NUP188: variants seen among roughly 807,000 people sequenced by gnomAD.
NUP188 encodes the protein nucleoporin 188.
Under a neutral mutation model 223.0 loss-of-function variants are expected in NUP188, and 97 were observed. The observed-to-expected ratio is 0.43, with a 90% CI of 0.37 to 0.51. The LOEUF (loss-of-function observed/expected upper bound fraction) is 0.51. Among genes scored for constraint, NUP188 ranks in the 20% least tolerant of loss-of-function variants. The pLI, the probability that NUP188 is intolerant of heterozygous loss-of-function variation, is 0.00. For missense variants in NUP188, 1,947 were observed against 2,175.6 expected, an observed-to-expected ratio of 0.89 and a Z score of 2.09; for synonymous variants, 869 against 828.0, an observed-to-expected ratio of 1.05 and a Z score of -0.85.
At chr9:128,947,966 C>T in intron 1 of NUP188, 1 of 399,542 alleles carries the variant, frequency 2.5e-6, no homozygotes, top group East Asian at 3.6e-5. Flanking sequence ...GGCTCTTCAC[C>T]CCTTCCCTCC....
chr9:128,988,913 A>G (rs1438513316), intron 24 of NUP188, among the ~76,000 whole-genome samples: 1 of 150,312 alleles, frequency 6.7e-6, no homozygotes, highest in South Asian at 2.1e-4. Flanking sequence ...GTTTTGTTTT[A>G]TTTTGTTGTT....
intron 2 of NUP188, 130 bp downstream of exon 2, chr9:128,949,373 C>A (rs1371298272): frequency 2.1e-5 from 14 of 660,136 alleles, no homozygotes; most frequent in South Asian, 1.8e-5. Context: ...GCTCTTGTTT[C>A]CCAGGCTGGA....
intron 2 of NUP188, among the ~76,000 whole-genome samples, chr9:128,949,836 C>T (rs1414859160): frequency 6.6e-6 from 1 of 151,482 alleles, no homozygotes; most frequent in Non-Finnish European, 1.5e-5. Context: ...ACCATGTTGG[C>T]CAGGCTGGTG....
In NUP188 at chr9:129,006,641, A is replaced by G. The variant is rs147026672; in HGVS notation, c.5213A>G (p.Gln1738Arg). Residue 1738 changes from glutamine to arginine, a missense_variant, in exon 44 of 44, where the codon CAG (glutamine) becomes CGG (arginine). Transcript: ENST00000372577. ...CCTGAGAGTCAGGAGCCTCTGATCC[A>G]GTTGGTGCAGGCGTTTGTCCGGCAT... ...ASPESQEPLI[Q>R]LVQAFVRHMQ... is the part of the protein sequence containing the mutation. The G allele has an allele frequency of 8.4e-5, 135 of 1,613,960 alleles. No homozygotes were observed. Among genetic ancestry groups the G allele is most frequent in the Non-Finnish European group, 1.1e-4 (125 of 1,180,036 alleles).
chr9:128,999,326 C>T lies in NUP188; in HGVS notation c.3661+9C>T. 1 of 1,612,926 alleles carries T rather than the reference C, an allele frequency of 6.2e-7. No individual in the cohort carries two copies. The highest frequency in any genetic ancestry group is 8.5e-7 in the Non-Finnish European group (1 of 1,179,080). On this transcript the variant is annotated intron_variant, in intron 33 of 43. Transcript: ENST00000372577. ...AATGAAGGAGATGAAAGGTGAGGGGCAGAGGCAGGGGGAGCAGCAGCTGCA... is the reference window on the plus strand; with the variant it reads ...AATGAAGGAGATGAAAGGTGAGGGGTAGAGGCAGGGGGAGCAGCAGCTGCA...
intron 12 of NUP188, among the ~76,000 whole-genome samples, chr9:128,976,111 C>T (rs1055991607): frequency 6.6e-6 from 1 of 152,190 alleles, no homozygotes; most frequent in African/African-American, 2.4e-5. Context: ...GTGTGAGCCA[C>T]TGTGCCTTGC....
chr9:128,994,926 G>A lies in NUP188; in HGVS notation c.3155+3G>A. 6.2e-7 allele frequency: 1 copy of A among 1,603,310 alleles called. No individual in the cohort carries two copies. Among genetic ancestry groups the A allele is most frequent in the Non-Finnish European group, 8.5e-7 (1 of 1,170,158 alleles). The stretch of plus-strand genomic sequence containing the variant: ...TTGGAGATATACTATGTAGTAAAGT[G>A]AGTACTTTCCCCTCTTGAGATTTTA... On this transcript the variant is annotated splice_donor_region_variant and intron_variant, in intron 29 of 43. Coordinates refer to ENST00000372577, the MANE Select transcript of NUP188 (RefSeq NM_015354.3).
At position 129,005,509 on chromosome 9, in the gene NUP188, C is replaced by T; in HGVS notation, c.4716C>T (p.Val1572=). The part of the protein sequence containing the change: ...LAALRHFTPD[V]CQILLDQSLD... ...CCCTGCGCCACTTCACCCCAGATGT[C>T]TGCCAGATTCTGCTGGATCAGGTAC... is the stretch of plus-strand genomic sequence containing the variant. The change falls in exon 40 of 44, where the codon GTC becomes GTT. Residue 1572 remains valine (V), a synonymous_variant. Coordinates refer to ENST00000372577, the MANE Select transcript of NUP188 (RefSeq NM_015354.3). The T allele has an allele frequency of 6.2e-7, 1 of 1,606,744 alleles. No homozygotes were observed. Among genetic ancestry groups the T allele is most frequent in the Non-Finnish European group, 8.5e-7 (1 of 1,179,980 alleles).
chr9:128,979,411 T>C (rs1318621285), intron 13 of NUP188, 84 bp downstream of exon 13: 3 of 955,766 alleles, frequency 3.1e-6, no homozygotes, highest in Admixed American at 4.2e-5. Flanking sequence ...TAAGCATTCA[T>C]GTGCATTTTC....
At chr9:128,992,390 T>A (rs1318900626) in intron 25 of NUP188, among the ~76,000 whole-genome samples, 1 of 152,036 alleles carries the variant, frequency 6.6e-6, no homozygotes, top group Non-Finnish European at 1.5e-5. Context: ...GGACGAAGTT[T>A]TGCCATGTTG....
intron 22 of NUP188, among the ~76,000 whole-genome samples, chr9:128,987,088 A>AGAGAGAGAGTGTGTGT (rs1450678206): frequency 8.8e-6 from 1 of 113,260 alleles, no homozygotes; most frequent in Non-Finnish European, 1.8e-5. Flanking sequence ...AGAGAGAGAG[A>AGAGAGAGAGTGTGTGT]GTGTGTGTGT....
At chr9:128,959,412 G>C (rs1841915040) in intron 8 of NUP188, among the ~76,000 whole-genome samples, 1 of 151,654 alleles carries the variant, frequency 6.6e-6, no homozygotes, top group Non-Finnish European at 1.5e-5. Context: ...AAAGTGCTGG[G>C]ATTACAAGTG....
rs28365537 is a variant in NUP188 at position 129,003,051 on chromosome 9, G to A, written c.4296+76G>A. 812 of 1,520,330 alleles carry A rather than the reference G, an allele frequency of 5.3e-4. 7 individuals are homozygous for A. The East Asian group carries it at 0.016, about 30-fold the overall frequency. The allele number at this position is 1,520,330 out of a possible 1,614,324, so 94.2% of individuals were successfully genotyped here. ...ACTGGGCCATTCATGGGGCAGGTGG[G>A]TGTGGAGCCTGGGCCTCAGTAGCGG... is the stretch of plus-strand genomic sequence containing the variant. On this transcript the variant is annotated intron_variant, in intron 37 of 43. Transcript: ENST00000372577.
chr9:128,998,520 T>G lies in NUP188; in HGVS notation c.3430-18T>G. 6.2e-7 allele frequency: 1 copy of G among 1,608,378 alleles called. No individual in the cohort carries two copies. The highest frequency in any genetic ancestry group is 8.5e-7 in the Non-Finnish European group (1 of 1,174,826). On this transcript the variant is annotated intron_variant, in intron 31 of 43. Coordinates refer to ENST00000372577, the MANE Select transcript of NUP188 (RefSeq NM_015354.3). ...AATCTTTCCACTGACTTCTGACTGGTGTGCTGTCTCCTTTCAGCTCCTAGT... is the reference window on the plus strand; with the variant it reads ...AATCTTTCCACTGACTTCTGACTGGGGTGCTGTCTCCTTTCAGCTCCTAGT...
chr9:128,957,622 G>T (rs978467142), intron 5 of NUP188, among the ~76,000 whole-genome samples: 4 of 151,942 alleles, frequency 2.6e-5, no homozygotes, highest in African/African-American at 9.7e-5. Flanking sequence ...CTGCCACCAC[G>T]CCCGGCTAAT....
At chr9:128,960,056 A>ATTTTTTTT (rs1841924763) in intron 8 of NUP188, among the ~76,000 whole-genome samples, 1 of 121,470 alleles carries the variant, frequency 8.2e-6, no homozygotes, top group Non-Finnish European at 1.7e-5. Flanking sequence ...TGATTATTTT[A>ATTTTTTTT]TTCTTTTTTT....
intron 12 of NUP188, among the ~76,000 whole-genome samples, chr9:128,974,068 G>A (rs993542868): frequency 1.3e-5 from 2 of 151,926 alleles, no homozygotes; most frequent in Non-Finnish European, 2.9e-5. Flanking sequence ...CTGCCACCGC[G>A]CCCGGCTAAT....
chr9:128,948,964 A>G (rs957334589), intron 1 of NUP188: 1 of 372,100 alleles, frequency 2.7e-6, no homozygotes, highest in Non-Finnish European at 4.9e-6. Flanking sequence ...TGACCTCATG[A>G]TCCGCCCGCC....
Position 128,983,272 on chromosome 9 carries a change from AG to A in NUP188, c.1797-20del. 1 of 1,598,874 alleles carries A rather than the reference AG, an allele frequency of 6.3e-7. No homozygotes were observed. The highest frequency in any genetic ancestry group is 8.6e-7 in the Non-Finnish European group (1 of 1,166,376). Reference sequence around the variant, plus strand: ...TTGTATTATTTGCTTTATTGAGTATAGTGTATTGTTCTCCAACCAGGTTAAC... The same window carrying A: ...TTGTATTATTTGCTTTATTGAGTATATGTATTGTTCTCCAACCAGGTTAAC... On this transcript the variant is annotated intron_variant, in intron 17 of 43. Transcript: ENST00000372577.
Sources: allele counts gnomAD v4.1 joint callset (sites outside exome capture counted in the v4.1 genomes callset), GRCh38; gene constraint gnomAD v4.1.1; transcripts MANE v1.5; gene names NCBI Gene and HGNC (gene_info 2026-07-23, HGNC 2026-07-21).